The following SORCS3 variants were observed in gnomAD, a reference collection of about 807,000 sequenced individuals.
SORCS3 encodes VPS10 domain-containing receptor SorCS3.
A neutral mutation model predicts 146.3 loss-of-function variants in SORCS3; 57 were observed. The ratio of observed to expected loss-of-function variants is 0.39; its 90% CI spans 0.31 to 0.49. The LOEUF (loss-of-function observed/expected upper bound fraction) is 0.49. SORCS3 is among the 20% of genes least tolerant of loss of function. The probability of loss-of-function intolerance (pLI) is 0.92; values close to 1 mark genes in which losing one functional copy is unlikely to be tolerated. For synonymous variants in SORCS3, 653 were observed against 618.5 expected (o/e 1.06, Z -0.83); for missense variants, 1,341 against 1,575.5 (o/e 0.85, Z 2.52).
intron 4 of SORCS3, among the ~76,000 whole-genome samples, chr10:104,997,708 T>C (rs967180671): frequency 1.3e-5 from 2 of 152,222 alleles, no homozygotes; most frequent in Non-Finnish European, 2.9e-5. Flanking sequence ...TCTTCTTCAA[T>C]GTCTGTGTCA....
intron 4 of SORCS3, among the ~76,000 whole-genome samples, chr10:105,010,809 T>G (rs1402535957): frequency 4.6e-5 from 7 of 152,060 alleles, no homozygotes. Flanking sequence ...CAAGGTGAGA[T>G]TCTCCAGGGA....
chr10:105,043,284 C>G (rs1366988734), intron 5 of SORCS3, among the ~76,000 whole-genome samples, 156 bp downstream of exon 5: 1 of 152,114 alleles, frequency 6.6e-6, no homozygotes, highest in Non-Finnish European at 1.5e-5. Context: ...ATCAGCATCA[C>G]CTGGGGACTT....
intron 6 of SORCS3, among the ~76,000 whole-genome samples, chr10:105,102,737 T>C (rs1444467585): frequency 6.6e-6 from 1 of 151,094 alleles, no homozygotes; most frequent in East Asian, 1.9e-4. Flanking sequence ...GGCCTCAAGG[T>C]GTTTGGCCTG....
intron 1 of SORCS3, among the ~76,000 whole-genome samples, chr10:104,784,941 C>T (rs955843728): frequency 3.9e-5 from 6 of 152,186 alleles, no homozygotes; most frequent in Admixed American, 2.6e-4. Context: ...CATCCTGGCC[C>T]GTTCTCAATG....
chr10:104,643,570 G>A lies in SORCS3; in HGVS notation c.627+1616G>A, dbSNP rs114110299. On this transcript the variant is annotated intron_variant, in intron 1 of 26. Transcript: ENST00000369701. ...GGTGGACAATGTGTGCCTTTGCAGG[G>A]CTGGGTGATTGAAGACTTCCAAGTC... Among the ~76,000 whole-genome samples, 487 of 152,310 alleles carry A rather than the reference G, an allele frequency of 3.2e-3. 4 individuals carry two copies. Among genetic ancestry groups the A allele is most frequent in the African/African-American group, 0.011 (455 of 41,578 alleles).
At chr10:104,828,496 A>G (rs185905799) in intron 1 of SORCS3, among the ~76,000 whole-genome samples, 9 of 152,260 alleles carry the variant, frequency 5.9e-5, no homozygotes, top group Non-Finnish European at 1.3e-4. Flanking sequence ...AACATCAAAG[A>G]TCACTCATCA....
intron 2 of SORCS3, among the ~76,000 whole-genome samples, chr10:104,873,616 G>A (rs1203443240): frequency 6.6e-6 from 1 of 152,152 alleles, no homozygotes. Flanking sequence ...GTCACCATTT[G>A]GAGATATGCA....
Position 104,817,989 on chromosome 10 carries a change from A to T in SORCS3, c.628-24803A>T, listed in dbSNP as rs140873595. On this transcript the variant is annotated intron_variant, in intron 1 of 26. Transcript: ENST00000369701. The stretch of plus-strand genomic sequence containing the variant: ...TCGCGTCCATCTTTCTTTGAGATTT[A>T]CCAATCATGTCACCAATTGAACACT... 1.4e-4 allele frequency among the ~76,000 whole-genome samples: 22 copies of T among 152,092 alleles called. No homozygotes were observed. The East Asian group carries it at 4.1e-3, about 28-fold the overall frequency.
At chr10:105,113,379 CAGTTT>C (rs2055871817) in intron 7 of SORCS3, among the ~76,000 whole-genome samples, 1 of 152,088 alleles carries the variant, frequency 6.6e-6, no homozygotes, top group Non-Finnish European at 1.5e-5. Flanking sequence ...TTTGAGAGTA[CAGTTT>C]AAATAATGAA....
chr10:104,743,837 C>T (rs1378566404), intron 1 of SORCS3, among the ~76,000 whole-genome samples: 2 of 152,150 alleles, frequency 1.3e-5, no homozygotes, highest in Non-Finnish European at 2.9e-5. Flanking sequence ...AGGTTAGGAA[C>T]AGGAAATTAA....
Position 105,055,361 on chromosome 10 carries a change from A to C in SORCS3, c.1028+12233A>C, listed in dbSNP as rs180965152. ...TTTATAAACTTCAAGTTATTAGAAGAGTGTGATGTGAGTAAGGATAAACAC... is the reference window on the plus strand; with the variant it reads ...TTTATAAACTTCAAGTTATTAGAAGCGTGTGATGTGAGTAAGGATAAACAC... On this transcript the variant is annotated intron_variant, in intron 5 of 26. Transcript: ENST00000369701. 4.6e-5 allele frequency among the ~76,000 whole-genome samples: 7 copies of C among 152,306 alleles called. No homozygotes were observed. In the East Asian group the frequency reaches 1.4e-3, roughly 29 times the overall value.
At chr10:104,705,233 T>G (rs917768035) in intron 1 of SORCS3, among the ~76,000 whole-genome samples, 2 of 151,568 alleles carry the variant, frequency 1.3e-5, no homozygotes, top group East Asian at 1.9e-4. Context: ...TCGTTTTTTT[T>G]TTTTTTTTTT....
chr10:105,013,978 C>T (rs977613545), intron 4 of SORCS3, among the ~76,000 whole-genome samples: 1 of 108,650 alleles, frequency 9.2e-6, no homozygotes, highest in Non-Finnish European at 1.8e-5. Flanking sequence ...CACACAGACA[C>T]ACAGACACAC....
intron 7 of SORCS3, among the ~76,000 whole-genome samples, chr10:105,108,805 A>C (rs1466860458): frequency 6.6e-6 from 1 of 152,224 alleles, no homozygotes; most frequent in Non-Finnish European, 1.5e-5. Context: ...ATATGGTAAA[A>C]GAATGCCAAT....
chr10:104,725,202 C>A (rs1030475973), intron 1 of SORCS3, among the ~76,000 whole-genome samples: 2 of 152,178 alleles, frequency 1.3e-5, no homozygotes, highest in African/African-American at 4.8e-5. Flanking sequence ...ACAGTCAGGA[C>A]CCTCAGATGC....
At chr10:104,905,762 T>C (rs887694421) in intron 2 of SORCS3, among the ~76,000 whole-genome samples, 1 of 152,054 alleles carries the variant, frequency 6.6e-6, no homozygotes, top group Non-Finnish European at 1.5e-5. Flanking sequence ...TGCTGAGCAC[T>C]GGGAAAGCAG....
At chr10:104,910,576 T>C (rs1490937543) in intron 2 of SORCS3, among the ~76,000 whole-genome samples, 1 of 152,232 alleles carries the variant, frequency 6.6e-6, no homozygotes, top group African/African-American at 2.4e-5. Flanking sequence ...AGCAAGCTGC[T>C]GAACATATAT....
chr10:104,908,064 G>A (rs924339979), intron 2 of SORCS3, among the ~76,000 whole-genome samples: 2 of 152,190 alleles, frequency 1.3e-5, no homozygotes, highest in Admixed American at 1.3e-4. Flanking sequence ...AACTCCTGAC[G>A]CTGACCTTGG....
chr10:104,865,766 C>A (rs900012837), intron 2 of SORCS3, among the ~76,000 whole-genome samples: 6 of 152,166 alleles, frequency 3.9e-5, no homozygotes, highest in Admixed American at 3.9e-4. Flanking sequence ...GGAATTTTTT[C>A]TTGACATGAA....
Sources: gnomAD v4.1 joint callset for allele counts (sites outside exome capture counted in the v4.1 genomes callset) on GRCh38, gnomAD v4.1.1 for gene constraint, MANE v1.5 for transcripts, NCBI Gene and HGNC (gene_info 2026-07-23, HGNC 2026-07-21) for gene names.